Variants in STPG1 observed in about 807,000 individuals in gnomAD.
STPG1 encodes O(6)-methylguanine-induced apoptosis 2.
Under a neutral mutation model 40.1 loss-of-function variants are expected in STPG1, and 33 were observed. The observed-to-expected ratio is 0.82, with a 90% CI of 0.62 to 1.10. The LOEUF (loss-of-function observed/expected upper bound fraction) is 1.10. Among genes scored for constraint, STPG1 ranks in the 50% least tolerant of loss-of-function variants. The pLI, the probability that STPG1 is intolerant of heterozygous loss-of-function variation, is 0.00. For missense variants in STPG1, 396 were observed against 415.1 expected, an observed-to-expected ratio of 0.95 and a Z score of 0.40; for synonymous variants, 150 against 155.0, an observed-to-expected ratio of 0.97 and a Z score of 0.24.
chr1:24,409,234 C>A (rs1243995621), intron 1 of STPG1, among the ~76,000 whole-genome samples: 1 of 152,160 alleles, frequency 6.6e-6, no homozygotes, highest in Non-Finnish European at 1.5e-5. Flanking sequence ...GTGGCATGTG[C>A]CTGTAGTCCC....
At chr1:24,371,933 T>C (rs1228680549) in intron 6 of STPG1, among the ~76,000 whole-genome samples, 1 of 152,102 alleles carries the variant, frequency 6.6e-6, no homozygotes, top group Non-Finnish European at 1.5e-5. Context: ...ATCCCAGCAC[T>C]TTGGGAGGCC....
intron 3 of STPG1, among the ~76,000 whole-genome samples, chr1:24,387,062 G>C (rs1642539338): frequency 6.6e-6 from 1 of 152,144 alleles, no homozygotes; most frequent in South Asian, 2.1e-4. Context: ...CATGGAGCCA[G>C]GACCCTCCCT....
intron 1 of STPG1, among the ~76,000 whole-genome samples, chr1:24,411,236 T>A (rs1169342088): frequency 6.6e-6 from 1 of 152,162 alleles, no homozygotes; most frequent in Non-Finnish European, 1.5e-5. Context: ...ATCCCCACTT[T>A]TTACAGATGA....
At chr1:24,392,574 T>C (rs953365794) in intron 2 of STPG1, among the ~76,000 whole-genome samples, 6 of 152,090 alleles carry the variant, frequency 3.9e-5, no homozygotes, top group African/African-American at 1.4e-4. Context: ...TTTCCAACCA[T>C]AAGAAAACCC....
At chr1:24,374,517 C>G (rs575758035) in intron 5 of STPG1, among the ~76,000 whole-genome samples, 2 of 152,262 alleles carry the variant, frequency 1.3e-5, no homozygotes, top group East Asian at 3.9e-4. Flanking sequence ...CCTCGGCCTC[C>G]CAAAGTGCTG....
At chr1:24,400,026 T>C (rs1190431652) in intron 2 of STPG1, among the ~76,000 whole-genome samples, 1 of 152,216 alleles carries the variant, frequency 6.6e-6, no homozygotes, top group African/African-American at 2.4e-5. Context: ...TCCTCAGGTA[T>C]AGACCCATGA....
intron 1 of STPG1, among the ~76,000 whole-genome samples, chr1:24,407,268 T>C (rs1643448346): frequency 6.6e-6 from 1 of 152,214 alleles, no homozygotes; most frequent in Non-Finnish European, 1.5e-5. Flanking sequence ...TATTCAGCCA[T>C]TATTTTTTCA....
intron 2 of STPG1, chr1:24,392,011 G>C: frequency 9.5e-7 from 1 of 1,050,438 alleles, no homozygotes; most frequent in Non-Finnish European, 1.1e-6. Context: ...ACTATTCTGG[G>C]AGCAGCCTGG....
chr1:24,361,171 A>G (rs1641088864), intron 7 of STPG1, 130 bp from the exon 8 acceptor site: 2 of 780,500 alleles, frequency 2.6e-6, no homozygotes, highest in Non-Finnish European at 3.9e-6. Flanking sequence ...ACTGGGGCAG[A>G]GCCCTAGCTC....
chr1:24,411,225 A>G (rs1414649218), intron 1 of STPG1, among the ~76,000 whole-genome samples: 1 of 152,214 alleles, frequency 6.6e-6, no homozygotes, highest in Non-Finnish European at 1.5e-5. Flanking sequence ...AGTGAGGTAT[A>G]ATCCCCACTT....
intron 1 of STPG1, among the ~76,000 whole-genome samples, chr1:24,408,317 C>T (rs1290467467): frequency 6.6e-6 from 1 of 152,218 alleles, no homozygotes; most frequent in Non-Finnish European, 1.5e-5. Flanking sequence ...TCTGTTTAAG[C>T]CCCAGAAATT....
chr1:24,371,565 T>C (rs1557437975), intron 6 of STPG1, among the ~76,000 whole-genome samples: 1 of 146,716 alleles, frequency 6.8e-6, no homozygotes, highest in African/African-American at 2.6e-5. Context: ...CTCTCCAGCC[T>C]GGGCAACAGA....
In STPG1 at chr1:24,359,068, T is replaced by C. The variant is rs938356254; in HGVS notation, c.929-449A>G. Among the ~76,000 whole-genome samples, 4 of 152,172 alleles carry C rather than the reference T, an allele frequency of 2.6e-5. No homozygotes were observed. Among genetic ancestry groups the C allele is most frequent in the Admixed American group, 2.6e-4 (4 of 15,282 alleles). On this transcript the variant is annotated intron_variant, in intron 8 of 8. Coordinates refer to ENST00000337248, the MANE Select transcript of STPG1 (RefSeq NM_001199013.2). The surrounding 1 kb of genome is among the most constrained non-coding windows in gnomAD (Gnocchi z 5.3). ...AGCCCCAGGTGACCAGAAACTCATG[T>C]TGATACTGACTTGGTTAATGAGGGT... is the stretch of plus-strand genomic sequence containing the variant.
chr1:24,374,257 G>C (rs543685), intron 5 of STPG1, among the ~76,000 whole-genome samples: 2 of 62,122 alleles, frequency 3.2e-5, no homozygotes, highest in South Asian at 9.6e-4. Context: ...TTTTTTTTTT[G>C]TTTTTTTTTT....
chr1:24,385,499 T>C (rs905635791), intron 3 of STPG1, among the ~76,000 whole-genome samples: 1 of 152,020 alleles, frequency 6.6e-6, no homozygotes, highest in Non-Finnish European at 1.5e-5. Context: ...AAGGAAGAGA[T>C]TTTTCTAGGC....
chr1:24,366,129 T>C (rs1325331534), intron 7 of STPG1, among the ~76,000 whole-genome samples: 1 of 152,190 alleles, frequency 6.6e-6, no homozygotes, highest in Non-Finnish European at 1.5e-5. Flanking sequence ...GCTGTAACTC[T>C]GCCCAAGAAT....
At chr1:24,365,775 C>G (rs891732609) in intron 7 of STPG1, among the ~76,000 whole-genome samples, 11 of 151,024 alleles carry the variant, frequency 7.3e-5, no homozygotes, top group Non-Finnish European at 4.4e-5. Flanking sequence ...TCCTGGTTCA[C>G]CAAGGATGAC....
At chr1:24,370,610 G>A (rs1434404896) in intron 6 of STPG1, among the ~76,000 whole-genome samples, 2 of 152,060 alleles carry the variant, frequency 1.3e-5, no homozygotes, top group East Asian at 3.9e-4. Flanking sequence ...TCCTGCCTCA[G>A]CCTCCCAAGT....
rs182689630 is a variant in STPG1, at chr1:24,357,487, T to C, written c.*1056A>G. 1 of 152,892 alleles carries C rather than the reference T, an allele frequency of 6.5e-6. No homozygotes were observed. The highest frequency in any genetic ancestry group is 1.5e-5 in the Non-Finnish European group (1 of 68,472). 9.5% of individuals were successfully genotyped at this position (152,892 alleles called of 1,614,324 possible). On this transcript the variant is annotated 3_prime_UTR_variant, in exon 9 of 9. Transcript: ENST00000337248. ...CCACCCTGGAGGAGTTAAATCAGCA[T>C]TTGTGGGTGGGCCCCAGGCCTCAGT...
Sources: allele counts gnomAD v4.1 joint callset (sites outside exome capture counted in the v4.1 genomes callset), GRCh38; gene constraint gnomAD v4.1.1; non-coding constraint Gnocchi (gnomAD v3.1); transcripts MANE v1.5; gene names NCBI Gene and HGNC (gene_info 2026-07-23, HGNC 2026-07-21).